SH3RF3: variants seen among roughly 807,000 people sequenced by gnomAD.
The protein encoded by SH3RF3 is E3 ubiquitin-protein ligase SH3RF3.
A neutral mutation model predicts 66.3 loss-of-function variants in SH3RF3; 29 were observed. The ratio of observed to expected loss-of-function variants is 0.44; its 90% confidence interval spans 0.33 to 0.60. The LOEUF (loss-of-function observed/expected upper bound fraction) is 0.60. SH3RF3 is among the 20% of genes least tolerant of loss of function. The pLI is 0.04. For missense variants in SH3RF3, 1,194 were observed against 1,190.9 expected (o/e 1.00, Z -0.04); for synonymous variants, 583 against 532.0 (o/e 1.10, Z -1.32).
chr2:109,138,780 T>A (rs1394088680), intron 1 of SH3RF3, among the ~76,000 whole-genome samples: 1 of 152,240 alleles, frequency 6.6e-6, no homozygotes, highest in Non-Finnish European at 1.5e-5. Context: ...TCTTGAAGAC[T>A]GGCCCAGAAC....
Position 109,419,553 on chromosome 2 carries a change from G to T in SH3RF3, c.1314G>T (p.Ser438=). ...TCTGTTTCCAGGATGTCTCCTCCTC[G>T]GCGGGATCTACCCCCACGGCTGTCC... ...CAAPTQDVSS[S]AGSTPTAVPR... The change falls in exon 5 of 10, where the codon TCG becomes TCT. Residue 438 remains serine, a synonymous_variant. Transcript: ENST00000309415. The T allele has an allele frequency of 1.3e-6, 2 of 1,596,806 alleles. No homozygotes were observed. Among genetic ancestry groups the T allele is most frequent in the South Asian group, 2.3e-5 (2 of 87,732 alleles).
intron 1 of SH3RF3, among the ~76,000 whole-genome samples, chr2:109,148,758 TAGAC>T (rs1558926656): frequency 6.6e-6 from 1 of 152,242 alleles, no homozygotes; most frequent in African/African-American, 2.4e-5. Flanking sequence ...GGCTCGGTCA[TAGAC>T]AGATGCTTGT....
chr2:109,217,501 A>G (rs1366635758), intron 1 of SH3RF3, among the ~76,000 whole-genome samples: 2 of 152,230 alleles, frequency 1.3e-5, no homozygotes, highest in South Asian at 2.1e-4. Flanking sequence ...AGTAATAGGA[A>G]GAAGTCATCC....
chr2:109,447,527 C>G (rs931037780), intron 7 of SH3RF3, among the ~76,000 whole-genome samples: 1 of 152,156 alleles, frequency 6.6e-6, no homozygotes, highest in African/African-American at 2.4e-5. Flanking sequence ...TAATTTTTCT[C>G]TGCCTTAAGA....
At chr2:109,419,036 G>T (rs912557131) in intron 4 of SH3RF3, among the ~76,000 whole-genome samples, 47 of 152,280 alleles carry the variant, frequency 3.1e-4, no homozygotes, top group Admixed American at 1.6e-3. Flanking sequence ...AGCACTTTGG[G>T]GTCTTGGGGG....
intron 9 of SH3RF3, among the ~76,000 whole-genome samples, chr2:109,496,599 G>T (rs1041298655): frequency 1.3e-5 from 2 of 152,192 alleles, no homozygotes; most frequent in Non-Finnish European, 2.9e-5. Flanking sequence ...CTTCTCCCCA[G>T]ATGTTCACAT....
intron 1 of SH3RF3, among the ~76,000 whole-genome samples, chr2:109,285,675 G>C (rs917187728): frequency 9.9e-5 from 15 of 152,196 alleles, no homozygotes; most frequent in Admixed American, 5.9e-4. Flanking sequence ...ATGGGGAAAA[G>C]TTCACTTGGG....
chr2:109,499,197 C>T (rs1335892780), intron 9 of SH3RF3, among the ~76,000 whole-genome samples: 1 of 152,150 alleles, frequency 6.6e-6, no homozygotes, highest in Non-Finnish European at 1.5e-5. Context: ...GCATCCAGAG[C>T]CGCGGGGGCC....
At chr2:109,327,500 T>C (rs1354803420) in intron 1 of SH3RF3, among the ~76,000 whole-genome samples, 1 of 145,690 alleles carries the variant, frequency 6.9e-6, no homozygotes, top group Non-Finnish European at 1.5e-5. Flanking sequence ...GTCAAGTACT[T>C]TGTCAAGTAC....
chr2:109,410,753 C>T (rs111353921), intron 4 of SH3RF3, among the ~76,000 whole-genome samples: 1,920 of 152,318 alleles, frequency 0.013, 49 homozygotes, highest in African/African-American at 0.044. Flanking sequence ...GTGGTGCAAA[C>T]GTACTTTATT....
At chr2:109,351,871 T>C (rs1220817875) in intron 2 of SH3RF3, among the ~76,000 whole-genome samples, 1 of 152,242 alleles carries the variant, frequency 6.6e-6, no homozygotes, top group African/African-American at 2.4e-5. Flanking sequence ...CATGTGACCT[T>C]CTTATGCTGC....
chr2:109,298,051 G>C (rs1048173953), intron 1 of SH3RF3, among the ~76,000 whole-genome samples: 1 of 152,204 alleles, frequency 6.6e-6, no homozygotes, highest in Non-Finnish European at 1.5e-5. Flanking sequence ...AACGTACCCT[G>C]TGGGATGTTC....
intron 1 of SH3RF3, among the ~76,000 whole-genome samples, chr2:109,342,667 G>A (rs945760428): frequency 6.6e-6 from 1 of 152,196 alleles, no homozygotes; most frequent in Admixed American, 6.5e-5. Context: ...TCAGGGGTAC[G>A]GCTTGCCTGA....
intron 1 of SH3RF3, among the ~76,000 whole-genome samples, chr2:109,280,090 G>T (rs1680847769): frequency 6.6e-6 from 1 of 152,142 alleles, no homozygotes; most frequent in African/African-American, 2.4e-5. Flanking sequence ...AGAGACAACA[G>T]AGTTCTTTTT....
At chr2:109,193,598 G>A (rs1342026159) in intron 1 of SH3RF3, among the ~76,000 whole-genome samples, 1 of 152,012 alleles carries the variant, frequency 6.6e-6, no homozygotes, top group Non-Finnish European at 1.5e-5. Context: ...TTTTAATGCT[G>A]CATAGTATTC....
intron 9 of SH3RF3, among the ~76,000 whole-genome samples, chr2:109,495,381 C>A (rs1367817546): frequency 6.6e-6 from 1 of 151,314 alleles, no homozygotes; most frequent in Non-Finnish European, 1.5e-5. Flanking sequence ...CCTGGCTCTT[C>A]TGCACCTTGG....
At chr2:109,386,658 G>A (rs1036284785) in intron 3 of SH3RF3, among the ~76,000 whole-genome samples, 3 of 152,120 alleles carry the variant, frequency 2.0e-5, no homozygotes, top group African/African-American at 7.2e-5. Flanking sequence ...CTTATCCTAG[G>A]GGCAGCCCCA....
intron 1 of SH3RF3, among the ~76,000 whole-genome samples, chr2:109,269,519 G>A (rs903880062): frequency 1.3e-5 from 2 of 152,186 alleles, no homozygotes; most frequent in African/African-American, 4.8e-5. Context: ...GGTGGCTCAT[G>A]CCTGTAATCC....
intron 1 of SH3RF3, among the ~76,000 whole-genome samples, chr2:109,219,514 A>G (rs578156113): frequency 8.5e-5 from 13 of 152,210 alleles, no homozygotes; most frequent in Non-Finnish European, 1.8e-4. Flanking sequence ...AAGTAAAATT[A>G]TCTCTGTTTG....
Sources: gnomAD v4.1 joint callset for allele counts (sites outside exome capture counted in the v4.1 genomes callset) on GRCh38, gnomAD v4.1.1 for gene constraint, MANE v1.5 for transcripts, NCBI Gene and HGNC (gene_info 2026-07-23, HGNC 2026-07-21) for gene names.